Variants in SLC6A11 observed in about 807,000 individuals in gnomAD.
The protein encoded by SLC6A11 is sodium- and chloride-dependent GABA transporter 3.
A neutral mutation model predicts 74.8 loss-of-function variants in SLC6A11; 25 were observed. The ratio of observed to expected loss-of-function variants is 0.33; its 90% CI spans 0.24 to 0.47. SLC6A11 has a LOEUF of 0.47. Among genes scored for constraint, SLC6A11 ranks in the 20% least tolerant of loss-of-function variants. The pLI, the probability that SLC6A11 is intolerant of heterozygous loss-of-function variation, is 1.00. For missense variants in SLC6A11, 574 were observed against 837.0 expected, an observed-to-expected ratio of 0.69 and a Z score of 3.88; for synonymous variants, 330 against 330.2, an observed-to-expected ratio of 1.00 and a Z score of 0.01.
chr3:10,850,097 C>A (rs1016402347), intron 5 of SLC6A11, among the ~76,000 whole-genome samples: 8 of 152,090 alleles, frequency 5.3e-5, no homozygotes, highest in African/African-American at 1.9e-4. Context: ...CCTTTATAGA[C>A]AAAATTTGTG....
rs1695493855 is a variant in SLC6A11, at chr3:10,918,752, C to T, written c.1120+299C>T. Among the ~76,000 whole-genome samples the T allele has an allele frequency of 6.6e-6, 1 of 152,206 alleles. No homozygotes were observed. The highest frequency in any genetic ancestry group is 1.5e-5 in the Non-Finnish European group (1 of 68,024). On this transcript the variant is annotated intron_variant, in intron 8 of 13. Transcript: ENST00000254488. This position sits in a 1 kb window ranked among gnomAD's most constrained non-coding sequence, Gnocchi z 4.5. ...AGCCCGGACCACCATCACTGCTCAC[C>T]TGGATGGCTCAGAAACCTTTCCCTG...
intron 12 of SLC6A11, 109 bp from the exon 13 acceptor site, chr3:10,934,920 C>T: frequency 1.0e-6 from 1 of 953,730 alleles, no homozygotes; most frequent in Non-Finnish European, 1.6e-6. Context: ...ACAGGGCCAG[C>T]TTCCTCCCCT....
chr3:10,878,788 C>T (rs1241959538), intron 6 of SLC6A11, among the ~76,000 whole-genome samples: 3 of 152,092 alleles, frequency 2.0e-5, no homozygotes, highest in Non-Finnish European at 4.4e-5. Context: ...ATGCACCACC[C>T]CCAGCACCCC....
At chr3:10,867,222 A>G (rs935841990) in intron 5 of SLC6A11, among the ~76,000 whole-genome samples, 6 of 152,168 alleles carry the variant, frequency 3.9e-5, no homozygotes, top group Non-Finnish European at 7.3e-5. Flanking sequence ...CAAGCTGAAC[A>G]CTTGAGGTTA....
rs568731751 is a variant in SLC6A11, at chr3:10,938,625, C to T, written c.*223C>T. 1.2e-4 allele frequency: 48 copies of T among 398,434 alleles called. No individual in the cohort carries two copies. The highest frequency in any genetic ancestry group is 5.8e-4 in the East Asian group (16 of 27,400). 24.7% of individuals were successfully genotyped at this position (398,434 alleles called of 1,614,324 possible). ...ACCACTACAAAGAGATAACACTGTA[C>T]GGGGACTGCCAGATCTTCTGTCCTA... On this transcript the variant is annotated 3_prime_UTR_variant, in exon 14 of 14. Coordinates refer to ENST00000254488, the MANE Select transcript of SLC6A11 (RefSeq NM_014229.3).
chr3:10,824,023 G>A (rs1694172356), intron 4 of SLC6A11: 1 of 152,528 alleles, frequency 6.6e-6, no homozygotes. Context: ...TGTGTGGTTG[G>A]GCATTTTCCC....
intron 4 of SLC6A11, among the ~76,000 whole-genome samples, chr3:10,831,141 T>C (rs1694290833): frequency 6.6e-6 from 1 of 152,216 alleles, no homozygotes; most frequent in Non-Finnish European, 1.5e-5. Context: ...CTTGTTCTGA[T>C]GCAGGCAGAT....
chr3:10,833,798 T>A (rs1464866979), intron 4 of SLC6A11, among the ~76,000 whole-genome samples: 3 of 152,228 alleles, frequency 2.0e-5, no homozygotes, highest in Non-Finnish European at 2.9e-5. Flanking sequence ...TGGTCTCCTG[T>A]TATTATGAGT....
At chr3:10,934,292 C>A in intron 12 of SLC6A11, 126 bp downstream of exon 12, 1 of 659,274 alleles carries the variant, frequency 1.5e-6, no homozygotes, top group South Asian at 1.9e-5. Context: ...TCCCCTGGTT[C>A]AGGCCACCTT....
At chr3:10,907,533 A>G (rs1695321732) in intron 6 of SLC6A11, among the ~76,000 whole-genome samples, 1 of 152,232 alleles carries the variant, frequency 6.6e-6, no homozygotes, top group South Asian at 2.1e-4. Context: ...TGCATCCTGA[A>G]AAAATATACC....
In SLC6A11 at chr3:10,912,072, C is replaced by G. The variant is rs539748526; in HGVS notation, c.892-18C>G. On this transcript the variant is annotated intron_variant, in intron 6 of 13. Coordinates refer to ENST00000254488, the MANE Select transcript of SLC6A11 (RefSeq NM_014229.3). ...ATCTGACTTCTGTTTATGCCAACATCTTTGTGCCTTCCTACAGGTCTGGGT... is the reference window on the plus strand; with the variant it reads ...ATCTGACTTCTGTTTATGCCAACATGTTTGTGCCTTCCTACAGGTCTGGGT... The G allele has an allele frequency of 1.3e-6, 2 of 1,566,070 alleles. No homozygotes were observed. The highest frequency in any genetic ancestry group is 1.1e-5 in the South Asian group (1 of 90,134).
intron 6 of SLC6A11, among the ~76,000 whole-genome samples, chr3:10,901,907 CT>C (rs1191679623): frequency 4.6e-5 from 7 of 152,218 alleles, no homozygotes; most frequent in Non-Finnish European, 1.0e-4. Flanking sequence ...GGAAACACAG[CT>C]GTTTTATTAT....
chr3:10,823,268 T>C (rs1694160903), intron 3 of SLC6A11, 34 bp from the exon 4 acceptor site: 1 of 1,490,250 alleles, frequency 6.7e-7, no homozygotes, highest in Non-Finnish European at 9.4e-7. Flanking sequence ...TGGAGATTAA[T>C]TTTCTTCTAT....
chr3:10,816,236 G>T lies in SLC6A11; in HGVS notation c.-30G>T, dbSNP rs1694053279. 7.8e-7 allele frequency: 1 copy of T among 1,285,198 alleles called. No homozygotes were observed. The highest frequency in any genetic ancestry group is 9.8e-7 in the Non-Finnish European group (1 of 1,020,384). 79.6% of individuals were successfully genotyped at this position (1,285,198 alleles called of 1,614,324 possible). On this transcript the variant is annotated 5_prime_UTR_variant, in exon 1 of 14. Transcript: ENST00000254488. The surrounding 1 kb of genome is among the most constrained non-coding windows in gnomAD (Gnocchi z 4.2). The stretch of plus-strand genomic sequence containing the variant: ...TCGCCCGGGGCGGCGGCGCAGAGCC[G>T]GGCCGGCGCACGAGGCAGCCAGCGC...
At chr3:10,911,610 C>A (rs1040713760) in intron 6 of SLC6A11, among the ~76,000 whole-genome samples, 1 of 152,082 alleles carries the variant, frequency 6.6e-6, no homozygotes, top group South Asian at 2.1e-4. Flanking sequence ...CTCATGGTGG[C>A]CTTAATCACA....
At chr3:10,832,770 G>A (rs1002187640) in intron 4 of SLC6A11, among the ~76,000 whole-genome samples, 4 of 152,142 alleles carry the variant, frequency 2.6e-5, no homozygotes, top group Admixed American at 6.5e-5. Flanking sequence ...CTCCTCTTCC[G>A]TCAGTTCCCT....
chr3:10,824,732 C>G (rs944061175), intron 4 of SLC6A11: 1 of 152,120 alleles, frequency 6.6e-6, no homozygotes, highest in South Asian at 2.1e-4. Flanking sequence ...TCCAGGTCCT[C>G]TTGGTCCTCT....
intron 4 of SLC6A11, among the ~76,000 whole-genome samples, chr3:10,838,914 C>T (rs569561466): frequency 4.6e-5 from 7 of 152,270 alleles, no homozygotes; most frequent in African/African-American, 1.7e-4. Context: ...TCATCACTGC[C>T]ATCTCCTCCC....
chr3:10,823,320 A>G lies in SLC6A11; in HGVS notation c.551A>G (p.Gln184Arg), dbSNP rs372992437. 14 of 1,612,886 alleles carry G rather than the reference A, an allele frequency of 8.7e-6. No homozygotes were observed. The East Asian group carries it at 2.9e-4, about 33-fold the overall frequency. The change falls in exon 4 of 14, where the codon CAG becomes CGG. Residue 184 changes from glutamine (Q) to arginine (R), a missense_variant. Gln to Arg is a conservative substitution (Grantham distance 43). Coordinates refer to ENST00000254488, the MANE Select transcript of SLC6A11 (RefSeq NM_014229.3). ...EWNTENCVEFQKLNVSNYSHV... is the reference protein window; with the variant it reads ...EWNTENCVEFRKLNVSNYSHV... Reference sequence around the variant, plus strand: ...ACTGTAGAGAATTGTGTGGAGTTCCAGAAACTGAATGTGAGCAACTACAGC... The same window carrying G: ...ACTGTAGAGAATTGTGTGGAGTTCCGGAAACTGAATGTGAGCAACTACAGC...
Sources: gnomAD v4.1 joint callset for allele counts (sites outside exome capture counted in the v4.1 genomes callset) on GRCh38, gnomAD v4.1.1 for gene constraint, Gnocchi (gnomAD v3.1) non-coding constraint, MANE v1.5 for transcripts, NCBI Gene and HGNC (gene_info 2026-07-23, HGNC 2026-07-21) for gene names.